ELP4: variants seen among roughly 807,000 people sequenced by gnomAD.
The protein encoded by ELP4 is elongator acetyltransferase complex subunit 4.
In ELP4, 51 loss-of-function variants were observed where a neutral mutation model predicts 48.9. The observed-to-expected ratio is 1.04, with a 90% CI of 0.83 to 1.32. ELP4 has a LOEUF of 1.32. Among genes scored for constraint, ELP4 ranks in the 40% most tolerant of loss-of-function variants. ELP4 has a pLI of 0.00. For synonymous variants in ELP4, 210 were observed against 189.2 expected, an observed-to-expected ratio of 1.11 and a Z score of -0.90; for missense variants, 519 against 514.6, an observed-to-expected ratio of 1.01 and a Z score of -0.08.
intron 9 of ELP4, among the ~76,000 whole-genome samples, chr11:31,702,674 A>G (rs1299822954): frequency 6.6e-6 from 1 of 152,130 alleles, no homozygotes; most frequent in East Asian, 1.9e-4. Flanking sequence ...ACCTTAACAT[A>G]TACTATTATT....
chr11:31,681,600 A>C (rs1190106004), intron 9 of ELP4, among the ~76,000 whole-genome samples: 1 of 152,226 alleles, frequency 6.6e-6, no homozygotes, highest in Non-Finnish European at 1.5e-5. Flanking sequence ...AAGGCAAATT[A>C]GAAGAAGACT....
intron 9 of ELP4, among the ~76,000 whole-genome samples, chr11:31,683,765 C>T (rs560285619): frequency 9.2e-5 from 14 of 152,054 alleles, no homozygotes; most frequent in Non-Finnish European, 2.1e-4. Context: ...AGATTTCTTC[C>T]ATCTGTACTA....
intron 3 of ELP4, among the ~76,000 whole-genome samples, chr11:31,565,946 C>T (rs956165150): frequency 3.0e-4 from 46 of 152,248 alleles, no homozygotes; most frequent in African/African-American, 1.1e-3. Context: ...GGCATTGGAT[C>T]TATAAATTAC....
At chr11:31,520,509 A>G (rs1345020551) in intron 2 of ELP4, among the ~76,000 whole-genome samples, 1 of 152,114 alleles carries the variant, frequency 6.6e-6, no homozygotes, top group Non-Finnish European at 1.5e-5. Context: ...ACAAAGTAGT[A>G]AATCATATTT....
chr11:31,553,708 A>G (rs1433088544), intron 3 of ELP4, among the ~76,000 whole-genome samples: 2 of 142,316 alleles, frequency 1.4e-5, no homozygotes, highest in Non-Finnish European at 3.0e-5. Context: ...CTTACAATAA[A>G]TCTCTTTGCA....
chr11:31,689,129 A>C (rs1328897590), intron 9 of ELP4: 1 of 152,152 alleles, frequency 6.6e-6, no homozygotes, highest in Non-Finnish European at 1.5e-5. Flanking sequence ...TTGTCCTGTG[A>C]GAATGCCTTT....
intron 9 of ELP4, among the ~76,000 whole-genome samples, chr11:31,674,757 C>G (rs1174726661): frequency 6.6e-6 from 1 of 152,204 alleles, no homozygotes; most frequent in Non-Finnish European, 1.5e-5. Context: ...CAGGGCATGG[C>G]TTTTCTCTCA....
chr11:31,632,182 C>T (rs771456528), intron 6 of ELP4, 35 bp from the exon 7 acceptor site: 5 of 1,558,518 alleles, frequency 3.2e-6, no homozygotes, highest in South Asian at 1.2e-5. Flanking sequence ...ATTAACAAAA[C>T]TTTATATGTT....
Position 31,509,993 on chromosome 11 carries a change from T to A in ELP4, c.209T>A (p.Leu70Gln). 1 of 1,611,788 alleles carries A rather than the reference T, an allele frequency of 6.2e-7. No individual in the cohort carries two copies. The highest frequency in any genetic ancestry group is 8.5e-7 in the Non-Finnish European group (1 of 1,179,852). ...QLLVSTGLPALDQLLGGGLAV... is the reference protein window; with the variant it reads ...QLLVSTGLPAQDQLLGGGLAV... ...CTGGTATCAACCGGGCTCCCAGCCC[T>A]AGACCAGCTCTTAGGTCGGTTCAGA... Residue 70 changes from leucine to glutamine, a missense_variant, in exon 1 of 10, where the codon CTA becomes CAA. By Grantham distance (113) the Leu-to-Gln change is moderately radical. Coordinates refer to ENST00000640961, the MANE Select transcript of ELP4 (RefSeq NM_019040.5).
chr11:31,787,141 A>T lies in ELP4; in HGVS notation c.*3617A>T. The T allele has an allele frequency of 4.3e-6, 1 of 232,672 alleles. No homozygotes were observed. The highest frequency in any genetic ancestry group is 8.5e-6 in the Non-Finnish European group (1 of 117,656). 14.4% of individuals were successfully genotyped at this position (232,672 alleles called of 1,614,324 possible). A position where few individuals can be genotyped will look rare whatever the true frequency, so the allele number is the denominator to read the frequency against. ...AGTGCCTGGAGCTCTGTTTGGAAGG[A>T]CAGCTCATGTCCCTAGGGTGTGGGC... On this transcript the variant is annotated 3_prime_UTR_variant, in exon 10 of 10. Transcript: ENST00000640961.
At chr11:31,687,965 AT>A (rs1262582107) in intron 9 of ELP4, among the ~76,000 whole-genome samples, 5 of 152,240 alleles carry the variant, frequency 3.3e-5, no homozygotes, top group Non-Finnish European at 7.3e-5. Context: ...AATATGTAAA[AT>A]CACGATTGAA....
intron 9 of ELP4, among the ~76,000 whole-genome samples, chr11:31,694,087 A>G (rs1469894204): frequency 6.6e-6 from 1 of 152,086 alleles, no homozygotes; most frequent in African/African-American, 2.4e-5. Context: ...AGTAGATTGC[A>G]AAAATTTTCT....
At chr11:31,700,682 T>C (rs1011095856) in intron 9 of ELP4, among the ~76,000 whole-genome samples, 31 of 152,114 alleles carry the variant, frequency 2.0e-4, no homozygotes, top group Non-Finnish European at 8.8e-5. Context: ...GGGACATGTG[T>C]ATTCAAATTC....
At chr11:31,688,716 T>C (rs1946212090) in intron 9 of ELP4, among the ~76,000 whole-genome samples, 1 of 152,212 alleles carries the variant, frequency 6.6e-6, no homozygotes, top group South Asian at 2.1e-4. Context: ...ATTGCTATTA[T>C]TTTACTAATA....
At chr11:31,647,274 C>G (rs1372802228) in intron 7 of ELP4, 1 of 153,360 alleles carries the variant, frequency 6.5e-6, no homozygotes, top group Non-Finnish European at 1.4e-5. Flanking sequence ...AGGGCTGGGA[C>G]CTTGTCCCAG....
intron 5 of ELP4, among the ~76,000 whole-genome samples, chr11:31,611,202 A>G (rs1957971490): frequency 6.6e-6 from 1 of 152,096 alleles, no homozygotes; most frequent in Non-Finnish European, 1.5e-5. Flanking sequence ...AGTGATGGAA[A>G]TTTTCTGTAT....
intron 9 of ELP4, among the ~76,000 whole-genome samples, chr11:31,717,060 C>G (rs1283575986): frequency 6.6e-6 from 1 of 151,906 alleles, no homozygotes; most frequent in African/African-American, 2.4e-5. Context: ...ACTTTCCCCC[C>G]AACTTGTTAA....
At chr11:31,536,233 A>T (rs1317553763) in intron 2 of ELP4, among the ~76,000 whole-genome samples, 2 of 152,126 alleles carry the variant, frequency 1.3e-5, no homozygotes, top group Admixed American at 6.5e-5. Flanking sequence ...CTTCTGTATA[A>T]ATCTATGCAG....
chr11:31,676,910 T>G (rs974437127), intron 9 of ELP4, among the ~76,000 whole-genome samples: 2 of 152,226 alleles, frequency 1.3e-5, no homozygotes, highest in African/African-American at 4.8e-5. Flanking sequence ...TTATTTATAT[T>G]TACATCATTT....
Sources: allele counts gnomAD v4.1 joint callset (sites outside exome capture counted in the v4.1 genomes callset), GRCh38; gene constraint gnomAD v4.1.1; transcripts MANE v1.5; gene names NCBI Gene and HGNC (gene_info 2026-07-23, HGNC 2026-07-21).